MARCO: variants seen among roughly 807,000 people sequenced by gnomAD.
The protein encoded by MARCO is macrophage receptor with collagenous structure.
Under a neutral mutation model 70.0 loss-of-function variants are expected in MARCO, and 72 were observed. The observed-to-expected ratio is 1.03, with a 90% CI of 0.85 to 1.25. The LOEUF is 1.25. MARCO is among the 50% of genes most tolerant of loss of function. The pLI, the probability that MARCO is intolerant of heterozygous loss-of-function variation, is 0.00. For synonymous variants in MARCO, 273 were observed against 243.1 expected (o/e 1.12, Z -1.14); for missense variants, 696 against 659.3 (o/e 1.06, Z -0.61).
chr2:118,981,551 C>CATTT (rs752363038), intron 9 of MARCO, 44 bp downstream of exon 9: 149,148 of 1,409,084 alleles, frequency 0.11, 2,095 homozygotes, highest in South Asian at 0.18. Context: ...TAGGTATTTC[C>CATTT]TTTTTTTTTT....
intron 1 of MARCO, among the ~76,000 whole-genome samples, chr2:118,968,031 A>G (rs1057461731): frequency 6.6e-6 from 1 of 152,150 alleles, no homozygotes; most frequent in Non-Finnish European, 1.5e-5. Context: ...TTTTAACCCC[A>G]GCTCTCTCCT....
At position 118,987,544 on chromosome 2, in the gene MARCO, T is replaced by G. The variant is rs528769938; in HGVS notation, c.1064-3045T>G. On this transcript the variant is annotated intron_variant, in intron 12 of 16. Transcript: ENST00000327097. ...ACCTCTGCTATAGGAACTGTGGGTCTGGGAGGATTCAGATGCGAGAGGGGC... is the reference window on the plus strand; with the variant it reads ...ACCTCTGCTATAGGAACTGTGGGTCGGGGAGGATTCAGATGCGAGAGGGGC... 5.2e-4 allele frequency among the ~76,000 whole-genome samples: 79 copies of G among 152,302 alleles called. No homozygotes were observed. In the South Asian group the frequency reaches 0.016, roughly 30 times the overall value.
intron 2 of MARCO, among the ~76,000 whole-genome samples, 163 bp downstream of exon 2, chr2:118,969,424 AAAG>A (rs3217477): frequency 0.077 from 11,724 of 152,238 alleles, 514 homozygotes; most frequent in South Asian, 0.15. Context: ...TGAGAGGAGC[AAAG>A]AAGGAGTGTA....
In MARCO at chr2:118,970,295, T is replaced by C. The variant is rs758602195; in HGVS notation, c.381T>C (p.His127=). Residue 127 remains histidine (H), a synonymous_variant, in exon 3 of 17, where the codon CAT becomes CAC. Coordinates refer to ENST00000327097, the MANE Select transcript of MARCO (RefSeq NM_006770.4). ...QAQLTWVRVS[H]EHLLQRVDNF... ...AACTCACCTGGGTCCGCGTCAGCCA[T>C]GAGCACTTGCTGCAGCGGGTAGACA... 3 of 1,614,004 alleles carry C rather than the reference T, an allele frequency of 1.9e-6. No individual in the cohort carries two copies. The highest frequency in any genetic ancestry group is 2.5e-6 in the Non-Finnish European group (3 of 1,179,974).
intron 1 of MARCO, among the ~76,000 whole-genome samples, chr2:118,965,476 C>T (rs180958574): frequency 6.8e-4 from 104 of 152,262 alleles, no homozygotes; most frequent in Admixed American, 2.8e-3. Flanking sequence ...TAATTGCTCA[C>T]TAAGGCATTT....
At chr2:118,954,944 A>G (rs1002719044) in intron 1 of MARCO, among the ~76,000 whole-genome samples, 2 of 152,114 alleles carry the variant, frequency 1.3e-5, no homozygotes, top group Non-Finnish European at 2.9e-5. Context: ...ACTTCCCTCT[A>G]ACAGAACCTA....
intron 12 of MARCO, among the ~76,000 whole-genome samples, chr2:118,987,329 G>C (rs886238512): frequency 5.9e-5 from 9 of 152,188 alleles, no homozygotes; most frequent in Non-Finnish European, 1.2e-4. Context: ...TGCAGGAGCT[G>C]ATCCTATCAG....
Position 118,974,544 on chromosome 2 carries a change from C to T in MARCO, c.592C>T (p.Pro198Ser), listed in dbSNP as rs763412756. Residue 198 changes from proline to serine, a missense_variant, in exon 6 of 17, where the codon CCG becomes TCG. Coordinates refer to ENST00000327097, the MANE Select transcript of MARCO (RefSeq NM_006770.4). ...AGGCCCCTCGGGACCCCAAGGCCCA[C>T]CGGGAGTCAAGGGAGAGGCGGGTGA... Reference protein sequence around the residue: ...ATGPSGPQGPPGVKGEAGLQG... With the variant: ...ATGPSGPQGPSGVKGEAGLQG... 2.5e-6 allele frequency: 4 copies of T among 1,613,766 alleles called. No homozygotes were observed. Among genetic ancestry groups the T allele is most frequent in the Non-Finnish European group, 2.5e-6 (3 of 1,179,972 alleles).
chr2:118,987,171 A>G (rs892234592), intron 12 of MARCO, among the ~76,000 whole-genome samples: 9 of 152,190 alleles, frequency 5.9e-5, no homozygotes, highest in African/African-American at 1.9e-4. Flanking sequence ...AATATTTGGA[A>G]CCCTTTCAGC....
chr2:118,992,547 G>A (rs1680642678), intron 15 of MARCO, 71 bp downstream of exon 15: 1 of 1,309,080 alleles, frequency 7.6e-7, no homozygotes. Context: ...TGTGTGTGTT[G>A]GGGGAAGAGA....
intron 14 of MARCO, 79 bp downstream of exon 14, chr2:118,991,954 G>A (rs1042957019): frequency 2.3e-5 from 23 of 1,011,530 alleles, no homozygotes; most frequent in South Asian, 6.2e-5. Context: ...TAGGAAAGGC[G>A]CTGTTTTAAG....
intron 1 of MARCO, among the ~76,000 whole-genome samples, chr2:118,967,713 G>T (rs923086262): frequency 6.6e-6 from 1 of 152,170 alleles, no homozygotes; most frequent in Admixed American, 6.5e-5. Flanking sequence ...CTGTGCGGGG[G>T]TTGGAAGGAA....
chr2:118,986,705 GAAAGAAAGAAAGAAAGAAAAGAA>G (rs1680517631), intron 12 of MARCO, among the ~76,000 whole-genome samples: 1 of 80,630 alleles, frequency 1.2e-5, no homozygotes, highest in Non-Finnish European at 2.5e-5. Flanking sequence ...AAGAAAGAAA[GAAAGAAAGAAAGAAAGAAAAGAA>G]AGAAAGAAAG....
At chr2:118,961,953 C>T (rs1057223600) in intron 1 of MARCO, among the ~76,000 whole-genome samples, 9 of 152,144 alleles carry the variant, frequency 5.9e-5, no homozygotes, top group Non-Finnish European at 1.2e-4. Flanking sequence ...CCAGTTTTCC[C>T]AGAACCATTT....
chr2:118,981,055 A>C (rs1188948748), intron 8 of MARCO, among the ~76,000 whole-genome samples: 1 of 152,190 alleles, frequency 6.6e-6, no homozygotes, highest in Non-Finnish European at 1.5e-5. Context: ...CGGAATACTC[A>C]GGTTTCAATT....
In MARCO at chr2:118,986,580, A is replaced by G. The variant is rs1369366707; in HGVS notation, c.1064-4009A>G. On this transcript the variant is annotated intron_variant, in intron 12 of 16. Transcript: ENST00000327097. ...AGGAAGGGAGGGAGGGAGGGAGGGAAGGAAAGAAGAAAGAAAGAAAGAAAG... is the reference window on the plus strand; with the variant it reads ...AGGAAGGGAGGGAGGGAGGGAGGGAGGGAAAGAAGAAAGAAAGAAAGAAAG... Among the ~76,000 whole-genome samples the G allele has an allele frequency of 1.1e-3, 134 of 120,358 alleles. 5 individuals carry two copies. Among genetic ancestry groups the G allele is most frequent in the African/African-American group, 6.0e-3 (123 of 20,590 alleles). The allele number at this position is 120,358 out of a possible 152,430, so 79.0% of individuals were successfully genotyped here.
chr2:118,988,281 A>G (rs563287416), intron 12 of MARCO, among the ~76,000 whole-genome samples: 15 of 152,130 alleles, frequency 9.9e-5, no homozygotes, highest in African/African-American at 2.6e-4. Context: ...GGGCTTCCCT[A>G]TGATTCCTGT....
At chr2:118,973,906 C>A (rs1388468093) in intron 4 of MARCO, among the ~76,000 whole-genome samples, 1 of 152,182 alleles carries the variant, frequency 6.6e-6, no homozygotes, top group African/African-American at 2.4e-5. Context: ...CACTGGGGAT[C>A]CAGACATGAA....
At chr2:118,980,987 G>GTT in intron 8 of MARCO, among the ~76,000 whole-genome samples, 1 of 152,196 alleles carries the variant, frequency 6.6e-6, no homozygotes, top group East Asian at 1.9e-4. Context: ...CTGCTGCAGT[G>GTT]TTTTTCTCTC....
Sources: allele counts gnomAD v4.1 joint callset (sites outside exome capture counted in the v4.1 genomes callset), GRCh38; gene constraint gnomAD v4.1.1; transcripts MANE v1.5; gene names NCBI Gene and HGNC (gene_info 2026-07-23, HGNC 2026-07-21).